PNPLA7: variants seen among roughly 807,000 people sequenced by gnomAD.
The protein encoded by PNPLA7 is patatin like domain 7, lysophospholipase.
A neutral mutation model predicts 161.7 loss-of-function variants in PNPLA7; 153 were observed. That is an observed-to-expected ratio of 0.95 (90% CI 0.83 to 1.08). PNPLA7 has a LOEUF of 1.08. Among genes scored for constraint, PNPLA7 ranks in the 50% least tolerant of loss-of-function variants. The probability of loss-of-function intolerance (pLI) is 0.00; values close to 1 mark genes in which losing one functional copy is unlikely to be tolerated. For missense variants in PNPLA7, 1,739 were observed against 1,856.6 expected, an observed-to-expected ratio of 0.94 and a Z score of 1.16; for synonymous variants, 809 against 782.1, an observed-to-expected ratio of 1.03 and a Z score of -0.57.
chr9:137,477,206 C>T (rs1002569402), intron 25 of PNPLA7, among the ~76,000 whole-genome samples: 8 of 152,262 alleles, frequency 5.3e-5, no homozygotes, highest in African/African-American at 1.7e-4. Context: ...TCCCACCCTC[C>T]TCGTGGCTCC....
In PNPLA7 at chr9:137,480,307, CTCACCTCGCCCACTGTGGGCTCCTGG is replaced by C. The variant is rs765003408; in HGVS notation, c.2559_2580+4del. 2.5e-6 allele frequency: 4 copies of C among 1,610,936 alleles called. No homozygotes were observed. On this transcript the variant is annotated splice_donor_variant and splice_donor_region_variant and coding_sequence_variant and intron_variant, in exon 23 of 35. Coordinates refer to ENST00000406427, the MANE Select transcript of PNPLA7 (RefSeq NM_001098537.3). LOFTEE classifies it high-confidence loss of function. ...CCCAGCTCCACCGGCCCTCCCCGTG[CTCACCTCGCCCACTGTGGGCTCCTGG>C]TCACCCAGGCCCACGATGAGGATGC...
chr9:137,467,545 T>C lies in PNPLA7; in HGVS notation c.2883-72A>G. The C allele has an allele frequency of 1.9e-6, 3 of 1,551,888 alleles. No individual in the cohort carries two copies. Among genetic ancestry groups the C allele is most frequent in the Non-Finnish European group, 1.7e-6 (2 of 1,144,454 alleles). On this transcript the variant is annotated intron_variant, in intron 25 of 34. Coordinates refer to ENST00000406427, the MANE Select transcript of PNPLA7 (RefSeq NM_001098537.3). This position sits in a 1 kb window ranked among gnomAD's most constrained non-coding sequence, Gnocchi z 5.1. ...GCTGCGCCCTGCAGAGGCCTTGTGCTCATCCTCAGTTCCCAACTCCTCCAC... is the reference window on the plus strand; with the variant it reads ...GCTGCGCCCTGCAGAGGCCTTGTGCCCATCCTCAGTTCCCAACTCCTCCAC...
rs11137426 is a variant in PNPLA7 at position 137,533,523 on chromosome 9, C to T, written c.747+7119G>A. Among the ~76,000 whole-genome samples, 1,271 of 149,358 alleles carry T rather than the reference C, an allele frequency of 8.5e-3. 6 individuals are homozygous for T. The highest frequency in any genetic ancestry group is 9.6e-3 in the Admixed American group (144 of 15,052). On this transcript the variant is annotated intron_variant, in intron 8 of 34. Coordinates refer to ENST00000406427, the MANE Select transcript of PNPLA7 (RefSeq NM_001098537.3). ...TCCCAGAATCCTCCACAAGTGTCCACTCCAGACGGGAGCACCCCCAGAATC... is the reference window on the plus strand; with the variant it reads ...TCCCAGAATCCTCCACAAGTGTCCATTCCAGACGGGAGCACCCCCAGAATC...
In PNPLA7 at chr9:137,478,123, C is replaced by G; in HGVS notation, c.2793G>C (p.Arg931=). 7.4e-7 allele frequency: 1 copy of G among 1,349,510 alleles called. No individual in the cohort carries two copies. Among genetic ancestry groups the G allele is most frequent in the Non-Finnish European group, 9.6e-7 (1 of 1,043,182 alleles). The allele number at this position is 1,349,510 out of a possible 1,614,324, so 83.6% of individuals were successfully genotyped here. ...LVEMYKHVFQ[R]PPDRHSDFSR... ...AGAAGTCTGAGTGTCGGTCCGGGGGCCGCTGGAAGACATGCTTGTACATCT... is the reference window on the plus strand; with the variant it reads ...AGAAGTCTGAGTGTCGGTCCGGGGGGCGCTGGAAGACATGCTTGTACATCT... Residue 931 remains arginine, a synonymous_variant, in exon 25 of 35, where the codon CGG becomes CGC. Transcript: ENST00000406427.
chr9:137,476,856 G>A lies in PNPLA7; in HGVS notation c.2882+1178C>T, dbSNP rs1408780902. ...GTAGGCCAACTTCCGCAGCTTTCAA[G>A]AGAAAATGTGGCACAAGACAAGGTG... On this transcript the variant is annotated intron_variant, in intron 25 of 34. Transcript: ENST00000406427. The surrounding 1 kb of genome is among the most constrained non-coding windows in gnomAD (Gnocchi z 4.5). Among the ~76,000 whole-genome samples, 2 of 152,250 alleles carry A rather than the reference G, an allele frequency of 1.3e-5. No individual in the cohort carries two copies. Among genetic ancestry groups the A allele is most frequent in the Non-Finnish European group, 2.9e-5 (2 of 68,046 alleles).
chr9:137,520,087 C>T lies in PNPLA7; in HGVS notation c.958-44G>A, dbSNP rs2132473524. ...GTTCAGTGCCACCCCAGGAACACCC[C>T]ACACCCACTGACAGGTGTGGGCTCC... On this transcript the variant is annotated intron_variant, in intron 10 of 34. Coordinates refer to ENST00000406427, the MANE Select transcript of PNPLA7 (RefSeq NM_001098537.3). The surrounding 1 kb of genome is among the most constrained non-coding windows in gnomAD (Gnocchi z 5.2). The T allele has an allele frequency of 6.2e-7, 1 of 1,606,652 alleles. No individual in the cohort carries two copies. The highest frequency in any genetic ancestry group is 8.5e-7 in the Non-Finnish European group (1 of 1,177,982).
intron 4 of PNPLA7, among the ~76,000 whole-genome samples, 163 bp downstream of exon 4, chr9:137,546,667 T>C (rs1836544177): frequency 6.6e-6 from 1 of 152,136 alleles, no homozygotes; most frequent in East Asian, 1.9e-4. Context: ...AATTTATAAT[T>C]TCCCCCAAAC....
Position 137,462,451 on chromosome 9 carries a change from G to A in PNPLA7, c.3493-120C>T, listed in dbSNP as rs552881247. 135 of 1,473,020 alleles carry A rather than the reference G, an allele frequency of 9.2e-5. No individual in the cohort carries two copies. The East Asian group carries it at 1.5e-3, about 16-fold the overall frequency. 91.2% of individuals were successfully genotyped at this position (1,473,020 alleles called of 1,614,324 possible). On this transcript the variant is annotated intron_variant, in intron 30 of 34. Transcript: ENST00000406427. ...CTGGGGTAGGTAGGTTCTGGGGGGA[G>A]AGGGTAGCAGCACCCGGCCGGGGGT...
At chr9:137,501,946 C>G (rs1022600896) in intron 14 of PNPLA7, among the ~76,000 whole-genome samples, 4 of 152,316 alleles carry the variant, frequency 2.6e-5, no homozygotes, top group African/African-American at 9.6e-5. Flanking sequence ...AGACAGACAC[C>G]AAACAGTGGA....
At chr9:137,550,115 A>G (rs975718976) in intron 1 of PNPLA7, 53 bp downstream of exon 1, 1 of 1,609,980 alleles carries the variant, frequency 6.2e-7, no homozygotes, top group African/African-American at 1.3e-5. Context: ...CTCTGGGTCC[A>G]GAAATGCCCC....
At chr9:137,532,169 G>A (rs1328527537) in intron 8 of PNPLA7, among the ~76,000 whole-genome samples, 1 of 152,222 alleles carries the variant, frequency 6.6e-6, no homozygotes, top group Non-Finnish European at 1.5e-5. Flanking sequence ...AGGCACGGTG[G>A]TTCACACCTA....
intron 4 of PNPLA7, among the ~76,000 whole-genome samples, chr9:137,546,527 C>T (rs1836536669): frequency 6.6e-6 from 1 of 152,222 alleles, no homozygotes; most frequent in Non-Finnish European, 1.5e-5. Flanking sequence ...CCCCTCCGGC[C>T]ACTGTGCACC....
chr9:137,500,923 G>A lies in PNPLA7; in HGVS notation c.1552-27C>T, dbSNP rs201969732. 32 of 1,534,442 alleles carry A rather than the reference G, an allele frequency of 2.1e-5. No individual in the cohort carries two copies. The highest frequency in any genetic ancestry group is 4.1e-5 in the African/African-American group (3 of 73,298). ...TGACACACGAGAGGGCTCAGGAGGC[G>A]CCGCGAGTGGCCGCGGGCAGGACGG... On this transcript the variant is annotated intron_variant, in intron 15 of 34. Transcript: ENST00000406427. This position sits in a 1 kb window ranked among gnomAD's most constrained non-coding sequence, Gnocchi z 5.5.
chr9:137,499,560 C>T lies in PNPLA7; in HGVS notation c.1757+1131G>A, dbSNP rs1010072737. Among the ~76,000 whole-genome samples, 1 of 152,192 alleles carries T rather than the reference C, an allele frequency of 6.6e-6. No homozygotes were observed. On this transcript the variant is annotated intron_variant, in intron 16 of 34. Coordinates refer to ENST00000406427, the MANE Select transcript of PNPLA7 (RefSeq NM_001098537.3). The surrounding 1 kb of genome is among the most constrained non-coding windows in gnomAD (Gnocchi z 5.5). ...CTGGTGGAGGGACCGGGACTTGGAG[C>T]CTCAGTCTCCCCATCAGCACGCTGC...
At chr9:137,534,075 C>G (rs1196501012) in intron 8 of PNPLA7, among the ~76,000 whole-genome samples, 1 of 150,424 alleles carries the variant, frequency 6.6e-6, no homozygotes, top group African/African-American at 2.5e-5. Flanking sequence ...GTGTCCACTC[C>G]AGGCGGGAGG....
At chr9:137,515,216 C>T (rs1282295305) in intron 12 of PNPLA7, among the ~76,000 whole-genome samples, 163 bp downstream of exon 12, 1 of 152,114 alleles carries the variant, frequency 6.6e-6, no homozygotes, top group African/African-American at 2.4e-5. Flanking sequence ...CAAGCCTCGA[C>T]CCTAGAGCCA....
chr9:137,494,222 C>A (rs1832917287), intron 19 of PNPLA7, among the ~76,000 whole-genome samples: 1 of 152,156 alleles, frequency 6.6e-6, no homozygotes, highest in South Asian at 2.1e-4. Context: ...TGGGCGCTCT[C>A]CTCACCGCTG....
intron 20 of PNPLA7, among the ~76,000 whole-genome samples, chr9:137,489,274 C>A (rs1380639836): frequency 6.6e-6 from 1 of 152,234 alleles, no homozygotes; most frequent in Non-Finnish European, 1.5e-5. Flanking sequence ...CTGGGCAGCA[C>A]CTAGTAGGCA....
intron 8 of PNPLA7, among the ~76,000 whole-genome samples, chr9:137,535,549 T>C (rs1835838945): frequency 6.6e-6 from 1 of 151,788 alleles, no homozygotes; most frequent in Non-Finnish European, 1.5e-5. Flanking sequence ...GGTCAGGAGT[T>C]TGAGACCAGC....
Sources: gnomAD v4.1 joint callset for allele counts (sites outside exome capture counted in the v4.1 genomes callset) on GRCh38, gnomAD v4.1.1 for gene constraint, Gnocchi (gnomAD v3.1) non-coding constraint, MANE v1.5 for transcripts, NCBI Gene and HGNC (gene_info 2026-07-23, HGNC 2026-07-21) for gene names.